KDM5B: variants seen among roughly 807,000 people sequenced by gnomAD.
KDM5B encodes the protein lysine demethylase 5B, also known as lysine-specific demethylase 5B.
Under a neutral mutation model 193.4 loss-of-function variants are expected in KDM5B, and 144 were observed. The observed-to-expected ratio is 0.74, with a 90% CI of 0.65 to 0.86. The LOEUF (loss-of-function observed/expected upper bound fraction) is 0.86, where lower values mean the gene tolerates loss of function less well. Among genes scored for constraint, KDM5B ranks in the 40% least tolerant of loss-of-function variants. KDM5B has a pLI of 0.00. For synonymous variants in KDM5B, 668 were observed against 682.6 expected, an observed-to-expected ratio of 0.98 and a Z score of 0.33; for missense variants, 1,833 against 1,886.9, an observed-to-expected ratio of 0.97 and a Z score of 0.53.
chr1:202,787,225 G>C (rs567510492), intron 1 of KDM5B, among the ~76,000 whole-genome samples: 50 of 152,118 alleles, frequency 3.3e-4, no homozygotes, highest in African/African-American at 1.2e-3. Flanking sequence ...GACTAAGTTG[G>C]TCTCAAACTT....
chr1:202,798,559 T>C (rs2102343250), intron 1 of KDM5B, among the ~76,000 whole-genome samples: 1 of 152,144 alleles, frequency 6.6e-6, no homozygotes, highest in Admixed American at 6.5e-5. Flanking sequence ...AGACACCATC[T>C]CTACAAAAAA....
At chr1:202,775,879 AAT>A (rs1277889468) in intron 2 of KDM5B, among the ~76,000 whole-genome samples, 1,095 of 93,004 alleles carry the variant, frequency 0.012, 66 homozygotes, top group Middle Eastern at 0.031. Flanking sequence ...AAAAAAAAAA[AAT>A]ATATATATAT....
At chr1:202,764,894 T>C (rs1249984149) in intron 5 of KDM5B, among the ~76,000 whole-genome samples, 1 of 152,152 alleles carries the variant, frequency 6.6e-6, no homozygotes, top group Non-Finnish European at 1.5e-5. Context: ...TGAGATTTGC[T>C]TGAACCCAGG....
chr1:202,774,478 T>C (rs1233132292), intron 3 of KDM5B, 135 bp downstream of exon 3: 7 of 755,402 alleles, frequency 9.3e-6, no homozygotes, highest in Non-Finnish European at 8.7e-6. Context: ...TCCTCCTCCC[T>C]TGACCTCCCA....
chr1:202,796,305 GT>G, intron 1 of KDM5B: 3 of 412,574 alleles, frequency 7.3e-6, no homozygotes, highest in Admixed American at 2.7e-5. Context: ...GTGCCACCTG[GT>G]TTTAAGACCC....
chr1:202,745,015 T>C (rs1007762134), intron 16 of KDM5B, among the ~76,000 whole-genome samples: 4 of 152,194 alleles, frequency 2.6e-5, no homozygotes, highest in African/African-American at 7.2e-5. Context: ...TGGATGGAAC[T>C]GGAGGCAATT....
chr1:202,772,187 G>C (rs140214650), intron 4 of KDM5B, among the ~76,000 whole-genome samples: 2 of 152,272 alleles, frequency 1.3e-5, no homozygotes, highest in African/African-American at 4.8e-5. Flanking sequence ...ACTCACTGCT[G>C]TAGTCCTAAA....
chr1:202,766,516 A>G, intron 5 of KDM5B: 1 of 438,222 alleles, frequency 2.3e-6, no homozygotes, highest in Non-Finnish European at 4.5e-6. Context: ...TAAAAAAAAA[A>G]AAAGAAGTCT....
At chr1:202,803,762 T>A (rs1334486532) in intron 1 of KDM5B, among the ~76,000 whole-genome samples, 3 of 151,378 alleles carry the variant, frequency 2.0e-5, no homozygotes, top group African/African-American at 7.3e-5. Flanking sequence ...GATGTTGCAG[T>A]GAGCAACATG....
rs1655532364 is a variant in KDM5B at position 202,745,868 on chromosome 1, G to A, written c.2313C>T (p.Asn771=). ...TTCTGTATCACATACTTTTCTTCTT[G>A]TTGATCTTTGCCTCCAAAGCTTCAT... is the stretch of plus-strand genomic sequence containing the variant. The part of the protein sequence containing the change: ...NVNEALEAKI[N]KKKSLVSFKA... Residue 771 remains asparagine (N), a synonymous_variant, in exon 16 of 27, where the codon AAC becomes AAT. Transcript: ENST00000367265. 6.2e-7 allele frequency: 1 copy of A among 1,613,936 alleles called. No homozygotes were observed.
chr1:202,771,142 T>TG (rs1440948052), intron 4 of KDM5B, among the ~76,000 whole-genome samples: 5 of 152,238 alleles, frequency 3.3e-5, no homozygotes, highest in Non-Finnish European at 7.3e-5. Context: ...TAATCTACTA[T>TG]GGGCAACTGT....
intron 4 of KDM5B, 134 bp from the exon 5 acceptor site, chr1:202,767,194 C>G (rs1656504250): frequency 6.4e-7 from 1 of 1,552,552 alleles, no homozygotes; most frequent in Non-Finnish European, 8.9e-7. Context: ...TTAAAATACT[C>G]TTCATATCTG....
chr1:202,751,549 C>T (rs1458216391), intron 12 of KDM5B, among the ~76,000 whole-genome samples: 4 of 152,078 alleles, frequency 2.6e-5, no homozygotes, highest in Non-Finnish European at 5.9e-5. Context: ...GGAATACTTC[C>T]TCCTTCCCTG....
At chr1:202,781,871 TATA>T (rs970372786) in intron 1 of KDM5B, among the ~76,000 whole-genome samples, 3 of 152,352 alleles carry the variant, frequency 2.0e-5, no homozygotes, top group South Asian at 4.1e-4. Flanking sequence ...ACAGGTGATA[TATA>T]ATGTTATTCC....
chr1:202,745,780 G>A (rs1249029382), intron 16 of KDM5B, 78 bp downstream of exon 16: 2 of 1,526,352 alleles, frequency 1.3e-6, no homozygotes, highest in African/African-American at 1.4e-5. Context: ...TTCAAGAAAT[G>A]TTTTGTTGAC....
At chr1:202,751,517 AG>A (rs1275716666) in intron 12 of KDM5B, among the ~76,000 whole-genome samples, 11 of 152,244 alleles carry the variant, frequency 7.2e-5, no homozygotes, top group African/African-American at 2.4e-4. Context: ...TACCCATCAC[AG>A]GAACACCATA....
At chr1:202,786,918 G>C (rs1657436703) in intron 1 of KDM5B, among the ~76,000 whole-genome samples, 1 of 152,068 alleles carries the variant, frequency 6.6e-6, no homozygotes, top group South Asian at 2.1e-4. Flanking sequence ...AGACCAGCCT[G>C]ACCAACATGG....
At chr1:202,789,979 T>C (rs997208882) in intron 1 of KDM5B, among the ~76,000 whole-genome samples, 1 of 151,888 alleles carries the variant, frequency 6.6e-6, no homozygotes, top group Non-Finnish European at 1.5e-5. Flanking sequence ...TCCCAGCACT[T>C]TGGGAGGCCG....
intron 1 of KDM5B, among the ~76,000 whole-genome samples, chr1:202,785,884 G>A (rs1241081355): frequency 1.3e-5 from 2 of 150,810 alleles, no homozygotes; most frequent in Non-Finnish European, 2.9e-5. Flanking sequence ...ATTCCAGCCT[G>A]GGCAAACAGA....
Sources: allele counts gnomAD v4.1 joint callset (sites outside exome capture counted in the v4.1 genomes callset), GRCh38; gene constraint gnomAD v4.1.1; transcripts MANE v1.5; gene names NCBI Gene and HGNC (gene_info 2026-07-23, HGNC 2026-07-21).